The following SEC14L1 variants were observed in gnomAD, a reference collection of about 807,000 sequenced individuals.
The protein encoded by SEC14L1 is SEC14-like protein 1.
In SEC14L1, 48 loss-of-function variants were observed where a neutral mutation model predicts 85.3. The ratio of observed to expected loss-of-function variants is 0.56; its 90% CI spans 0.45 to 0.72. The LOEUF (loss-of-function observed/expected upper bound fraction) is 0.72. SEC14L1 is among the 30% of genes least tolerant of loss of function. SEC14L1 has a pLI of 0.00. For synonymous variants in SEC14L1, 391 were observed against 355.5 expected (o/e 1.10, Z -1.12); for missense variants, 682 against 921.4 (o/e 0.74, Z 3.36).
At position 77,206,453 on chromosome 17, in the gene SEC14L1, C is replaced by G; in HGVS notation, c.1341+53C>G. 2 of 1,573,284 alleles carry G rather than the reference C, an allele frequency of 1.3e-6. No individual in the cohort carries two copies. The highest frequency in any genetic ancestry group is 1.7e-6 in the Non-Finnish European group (2 of 1,149,102). On this transcript the variant is annotated intron_variant, in intron 12 of 16. Transcript: ENST00000436233. This position sits in a 1 kb window ranked among gnomAD's most constrained non-coding sequence, Gnocchi z 4.3. ...TGTGAGCCATTTGGAAAGCAGATAA[C>G]ATGCATTCATATACACGTGTCTGTG...
chr17:77,124,930 C>T (rs998503730), intron 3 of SEC14L1, among the ~76,000 whole-genome samples: 4 of 151,660 alleles, frequency 2.6e-5, no homozygotes, highest in Non-Finnish European at 4.4e-5. Context: ...ATCCAAATTG[C>T]CCTAGCAGCC....
chr17:77,145,135 G>GTGTGTGTA (rs1362414893), intron 3 of SEC14L1: 1 of 143,502 alleles, frequency 7.0e-6, no homozygotes, highest in Non-Finnish European at 1.5e-5. Flanking sequence ...GTGTGTGTGT[G>GTGTGTGTA]TATATATACA....
chr17:77,179,363 A>G (rs1243638932), intron 3 of SEC14L1, among the ~76,000 whole-genome samples: 1 of 152,242 alleles, frequency 6.6e-6, no homozygotes, highest in African/African-American at 2.4e-5. Context: ...GCATGTGAGC[A>G]ACATGTTTAC....
chr17:77,201,737 T>C (rs1260272628), intron 9 of SEC14L1, among the ~76,000 whole-genome samples: 2 of 152,108 alleles, frequency 1.3e-5, no homozygotes, highest in Non-Finnish European at 2.9e-5. Context: ...GCGTGAGCCA[T>C]TGCGCCCGGC....
At chr17:77,130,570 G>T (rs1351911969) in intron 3 of SEC14L1, among the ~76,000 whole-genome samples, 1 of 152,022 alleles carries the variant, frequency 6.6e-6, no homozygotes, top group Non-Finnish European at 1.5e-5. Flanking sequence ...TGATTCACCT[G>T]CCTCGACCTC....
chr17:77,153,076 A>G (rs1245183165), intron 3 of SEC14L1, among the ~76,000 whole-genome samples: 3 of 151,964 alleles, frequency 2.0e-5, no homozygotes, highest in African/African-American at 7.3e-5. Flanking sequence ...ATTTATTATT[A>G]TTATTTTTTT....
At chr17:77,095,446 G>A (rs764630482) in intron 3 of SEC14L1, among the ~76,000 whole-genome samples, 1 of 152,186 alleles carries the variant, frequency 6.6e-6, no homozygotes, top group Non-Finnish European at 1.5e-5. Flanking sequence ...GTCTCTGCAT[G>A]AAGTGTCTGC....
chr17:77,160,355 C>T (rs1381915936), intron 3 of SEC14L1, among the ~76,000 whole-genome samples: 1 of 152,226 alleles, frequency 6.6e-6, no homozygotes, highest in African/African-American at 2.4e-5. Flanking sequence ...GGAATATGCA[C>T]ACTGCTATTT....
At chr17:77,155,436 C>G (rs1284325038) in intron 3 of SEC14L1, among the ~76,000 whole-genome samples, 1 of 152,236 alleles carries the variant, frequency 6.6e-6, no homozygotes, top group Non-Finnish European at 1.5e-5. Flanking sequence ...GTACCTTACC[C>G]TCAGAGCAGA....
intron 3 of SEC14L1, among the ~76,000 whole-genome samples, chr17:77,105,442 AG>A (rs1971893021): frequency 1.4e-5 from 2 of 141,756 alleles, no homozygotes; most frequent in South Asian, 4.4e-4. Flanking sequence ...GTACCTAGTA[AG>A]TCTGTAATAT....
chr17:77,167,687 G>T (rs1974344921), intron 3 of SEC14L1, among the ~76,000 whole-genome samples: 2 of 152,150 alleles, frequency 1.3e-5, no homozygotes, highest in Admixed American at 6.5e-5. Flanking sequence ...CTGGGTTCTT[G>T]TCTCATGACC....
intron 3 of SEC14L1, among the ~76,000 whole-genome samples, chr17:77,166,183 C>T (rs1300557314): frequency 6.6e-6 from 1 of 152,196 alleles, no homozygotes; most frequent in Non-Finnish European, 1.5e-5. Context: ...TCAAGTGATC[C>T]TCCCACCTTG....
At chr17:77,188,239 G>A (rs1975359417) in intron 3 of SEC14L1, among the ~76,000 whole-genome samples, 2 of 152,262 alleles carry the variant, frequency 1.3e-5, no homozygotes, top group East Asian at 1.9e-4. Flanking sequence ...TAGTCGAGAC[G>A]CAGAGTGCTT....
At chr17:77,121,744 C>A (rs1598250707) in intron 3 of SEC14L1, among the ~76,000 whole-genome samples, 1 of 152,350 alleles carries the variant, frequency 6.6e-6, no homozygotes, top group South Asian at 2.1e-4. Context: ...GGTTAAGGAG[C>A]CTGCCCAATG....
At chr17:77,125,727 A>G (rs1285862537) in intron 3 of SEC14L1, among the ~76,000 whole-genome samples, 1 of 152,198 alleles carries the variant, frequency 6.6e-6, no homozygotes, top group Non-Finnish European at 1.5e-5. Context: ...CCTGTGCTGG[A>G]GGCCCCTGGC....
intron 3 of SEC14L1, among the ~76,000 whole-genome samples, chr17:77,150,323 G>A (rs1206694847): frequency 6.6e-6 from 1 of 152,174 alleles, no homozygotes; most frequent in Non-Finnish European, 1.5e-5. Context: ...AGGTGCTGGA[G>A]TGAAACAGAC....
chr17:77,106,260 G>A (rs1598224644), intron 3 of SEC14L1, among the ~76,000 whole-genome samples: 1 of 152,128 alleles, frequency 6.6e-6, no homozygotes. Context: ...GAGGCCAGGT[G>A]TGGTGGCTCA....
At chr17:77,165,693 G>A (rs1173701424) in intron 3 of SEC14L1, among the ~76,000 whole-genome samples, 1 of 151,552 alleles carries the variant, frequency 6.6e-6, no homozygotes, top group Non-Finnish European at 1.5e-5. Context: ...ATCTTCCTTT[G>A]GCCTTTTCTT....
intron 3 of SEC14L1, among the ~76,000 whole-genome samples, chr17:77,106,110 C>T (rs966805267): frequency 6.6e-6 from 1 of 152,146 alleles, no homozygotes; most frequent in Non-Finnish European, 1.5e-5. Context: ...TTATTTGGTT[C>T]TGGCAGGGCA....
Sources: gnomAD v4.1 joint callset for allele counts (sites outside exome capture counted in the v4.1 genomes callset) on GRCh38, gnomAD v4.1.1 for gene constraint, Gnocchi (gnomAD v3.1) non-coding constraint, MANE v1.5 for transcripts, NCBI Gene and HGNC (gene_info 2026-07-23, HGNC 2026-07-21) for gene names.